Variants in POLR3B observed in about 807,000 individuals in gnomAD.
POLR3B encodes DNA-directed RNA polymerase III subunit RPC2.
Under a neutral mutation model 147.4 loss-of-function variants are expected in POLR3B, and 96 were observed. That is an observed-to-expected ratio of 0.65 (90% CI 0.55 to 0.77). POLR3B has a LOEUF of 0.77. POLR3B is among the 30% of genes least tolerant of loss of function. POLR3B has a pLI of 0.00. For missense variants in POLR3B, 1,036 were observed against 1,413.5 expected (o/e 0.73, Z 4.28); for synonymous variants, 461 against 485.9 (o/e 0.95, Z 0.67).
At chr12:106,476,934 G>T (rs965395699) in intron 23 of POLR3B, among the ~76,000 whole-genome samples, 4 of 151,660 alleles carry the variant, frequency 2.6e-5, no homozygotes, top group African/African-American at 9.7e-5. Context: ...TTTGGAGGAG[G>T]AGAGGCACTC....
intron 18 of POLR3B, among the ~76,000 whole-genome samples, chr12:106,439,901 A>T (rs187450857): frequency 6.6e-6 from 1 of 151,224 alleles, no homozygotes; most frequent in African/African-American, 2.4e-5. Flanking sequence ...TACTAAAAAT[A>T]AAAAAAAGTT....
Position 106,437,097 on chromosome 12 carries a change from A to G in POLR3B, c.1822A>G (p.Asn608Asp), listed in dbSNP as rs766131152. ...IVKKQKPAVT[N>D]KHMEELAQGY... The stretch of plus-strand genomic sequence containing the variant: ...CAAGAAACAGAAGCCAGCAGTCACA[A>G]ATAAACATATGGAAGAGCTGGCCCA... Residue 608 changes from asparagine (N) to aspartate (D), a missense_variant, in exon 17 of 28, where the codon AAT (asparagine) becomes GAT (aspartate). By Grantham distance (23) the Asn-to-Asp change is conservative. Transcript: ENST00000228347. 2.5e-6 allele frequency: 4 copies of G among 1,613,502 alleles called. No homozygotes were observed. The highest frequency in any genetic ancestry group is 1.3e-5 in the African/African-American group (1 of 74,934).
chr12:106,451,963 G>C (rs750005909), intron 19 of POLR3B, among the ~76,000 whole-genome samples: 3 of 152,114 alleles, frequency 2.0e-5, no homozygotes, highest in Non-Finnish European at 4.4e-5. Context: ...AATAGAAGTA[G>C]AATGCAACTT....
chr12:106,424,788 G>A (rs988470305), intron 12 of POLR3B, among the ~76,000 whole-genome samples: 8 of 151,968 alleles, frequency 5.3e-5, no homozygotes, highest in African/African-American at 1.7e-4. Context: ...ATAAATAAAA[G>A]CCTGCAAGCT....
intron 10 of POLR3B, among the ~76,000 whole-genome samples, chr12:106,395,257 T>C (rs1199291210): frequency 2.6e-5 from 4 of 152,060 alleles, no homozygotes; most frequent in Non-Finnish European, 5.9e-5. Flanking sequence ...CTGGGTAATT[T>C]ATAAAGAAAA....
intron 1 of POLR3B, among the ~76,000 whole-genome samples, chr12:106,362,561 C>T (rs1458219863): frequency 6.6e-6 from 1 of 152,180 alleles, no homozygotes; most frequent in Non-Finnish European, 1.5e-5. Context: ...AGAAGCTTCA[C>T]TGAGACCTCT....
rs1435958575 is a variant in POLR3B at position 106,378,319 on chromosome 12, G to A, written c.549G>A (p.Gln183=). 1.2e-6 allele frequency: 2 copies of A among 1,613,794 alleles called. No individual in the cohort carries two copies. The change falls in exon 8 of 28, where the codon CAG becomes CAA. Residue 183 remains glutamine (Q), a synonymous_variant. Transcript: ENST00000228347. ...AAAAAGTTATTCTTATCCAAGAGCAGCTGTCTAAGAACAGGATCATCGTGG... is the reference window on the plus strand; with the variant it reads ...AAAAAGTTATTCTTATCCAAGAGCAACTGTCTAAGAACAGGATCATCGTGG... ...GVEKVILIQE[Q]LSKNRIIVEA...
chr12:106,363,870 G>GA lies in POLR3B; in HGVS notation c.78dup (p.Trp27MetfsTer22), dbSNP rs1249618464. 1 of 1,607,676 alleles carries GA rather than the reference G, an allele frequency of 6.2e-7. No homozygotes were observed. Among genetic ancestry groups the GA allele is most frequent in the Admixed American group, 1.7e-5 (1 of 59,974 alleles). ...ATATTCTTCTTGTTTTGGCTCACAGGAAAAATGGAGGCTGCTTCCAGCATT... is the reference window on the plus strand; with the variant it reads ...ATATTCTTCTTGTTTTGGCTCACAGGAAAAAATGGAGGCTGCTTCCAGCATT... On this transcript the variant is annotated frameshift_variant and splice_region_variant, in exon 2 of 28. Coordinates refer to ENST00000228347, the MANE Select transcript of POLR3B (RefSeq NM_018082.6). LOFTEE classifies it high-confidence loss of function.
Position 106,509,823 on chromosome 12 carries a change from A to G in POLR3B, c.*274A>G, listed in dbSNP as rs2038747528. On this transcript the variant is annotated 3_prime_UTR_variant, in exon 28 of 28. Coordinates refer to ENST00000228347, the MANE Select transcript of POLR3B (RefSeq NM_018082.6). ...ATGTGACCTAAAGGATAAATAAGCT[A>G]TTACTTATGTGCTGATCTCTTGACA... 5.3e-6 allele frequency: 2 copies of G among 380,514 alleles called. No individual in the cohort carries two copies. Among genetic ancestry groups the G allele is most frequent in the African/African-American group, 2.1e-5 (1 of 47,892 alleles). 23.6% of individuals were successfully genotyped at this position (380,514 alleles called of 1,614,324 possible).
chr12:106,366,962 G>T (rs1053227516), intron 4 of POLR3B, among the ~76,000 whole-genome samples: 6 of 152,134 alleles, frequency 3.9e-5, no homozygotes, highest in Admixed American at 2.0e-4. Context: ...AATTAGCCAG[G>T]CGTGGTGGTG....
At chr12:106,408,421 C>T (rs2037178303) in intron 11 of POLR3B, among the ~76,000 whole-genome samples, 1 of 152,184 alleles carries the variant, frequency 6.6e-6, no homozygotes, top group Non-Finnish European at 1.5e-5. Flanking sequence ...ATCTGCATCA[C>T]TAGGGGACTT....
intron 12 of POLR3B, among the ~76,000 whole-genome samples, chr12:106,411,727 G>A (rs1046503487): frequency 6.6e-6 from 1 of 152,102 alleles, no homozygotes; most frequent in African/African-American, 2.4e-5. Context: ...ACATGGTAGA[G>A]GTAGGTTAGT....
chr12:106,367,146 C>A (rs2036546043), intron 4 of POLR3B, among the ~76,000 whole-genome samples: 1 of 152,086 alleles, frequency 6.6e-6, no homozygotes, highest in African/African-American at 2.4e-5. Context: ...CTTTTATTAA[C>A]TATAAAGTGC....
Position 106,459,235 on chromosome 12 carries a change from T to C in POLR3B, c.2453-16T>C. 9 of 1,375,168 alleles carry C rather than the reference T, an allele frequency of 6.5e-6. No individual in the cohort carries two copies. Among genetic ancestry groups the C allele is most frequent in the Middle Eastern group, 1.8e-4 (1 of 5,636 alleles). 85.2% of individuals were successfully genotyped at this position (1,375,168 alleles called of 1,614,324 possible). A position where few individuals can be genotyped will look rare whatever the true frequency, so the allele number is the denominator to read the frequency against. On this transcript the variant is annotated splice_polypyrimidine_tract_variant and intron_variant, in intron 21 of 27. Transcript: ENST00000228347. Reference sequence around the variant, plus strand: ...AGATGATAACGATGTGCCTAACACTTTTCTTTTTTTCTCAGGTGAGAAAGT... The same window carrying C: ...AGATGATAACGATGTGCCTAACACTCTTCTTTTTTTCTCAGGTGAGAAAGT...
chr12:106,504,223 G>A lies in POLR3B; in HGVS notation c.3241G>A (p.Gly1081Arg). The A allele has an allele frequency of 6.2e-7, 1 of 1,614,112 alleles. No homozygotes were observed. Among genetic ancestry groups the A allele is most frequent in the Non-Finnish European group, 8.5e-7 (1 of 1,179,990 alleles). Residue 1081 changes from glycine (G) to arginine (R), a missense_variant, in exon 27 of 28, where the codon GGG becomes AGG. By Grantham distance (125) the Gly-to-Arg change is moderately radical (BLOSUM62 -2). This residue lies in a region of POLR3B where 69 missense variants were observed against 89.8 expected (regional missense o/e 0.77). Coordinates refer to ENST00000228347, the MANE Select transcript of POLR3B (RefSeq NM_018082.6). The surrounding 1 kb of genome is among the most constrained non-coding windows in gnomAD (Gnocchi z 4.6). Reference protein sequence around the residue: ...SSDAFEVDVCGQCGLLGYSGW... With the variant: ...SSDAFEVDVCRQCGLLGYSGW... ...TGATGCCTTTGAGGTTGATGTCTGT[G>A]GGCAGTGTGGACTTCTGGGGTATTC...
At chr12:106,419,854 C>G (rs2037352002) in intron 12 of POLR3B, among the ~76,000 whole-genome samples, 1 of 116,684 alleles carries the variant, frequency 8.6e-6, no homozygotes, top group Admixed American at 1.0e-4. Flanking sequence ...TTATGTGTTA[C>G]TCTGTTACAT....
chr12:106,364,391 A>T (rs916285723), intron 2 of POLR3B, among the ~76,000 whole-genome samples: 1 of 152,242 alleles, frequency 6.6e-6, no homozygotes, highest in Non-Finnish European at 1.5e-5. Flanking sequence ...TATGCTAAGA[A>T]GTAATGAGTA....
At chr12:106,485,061 T>A (rs1180477174) in intron 23 of POLR3B, among the ~76,000 whole-genome samples, 1 of 152,194 alleles carries the variant, frequency 6.6e-6, no homozygotes, top group Non-Finnish European at 1.5e-5. Context: ...GTCCATTTTC[T>A]GCTGCTATGA....
At chr12:106,497,029 G>T in intron 25 of POLR3B, 111 bp downstream of exon 25, 1 of 1,070,810 alleles carries the variant, frequency 9.3e-7, no homozygotes, top group Non-Finnish European at 1.4e-6. Context: ...AGCTTGTACA[G>T]CCCGTGGGCG....
Sources: gnomAD v4.1 joint callset for allele counts (sites outside exome capture counted in the v4.1 genomes callset) on GRCh38, gnomAD v4.1.1 for gene constraint, gnomAD v4.1.1 regional missense constraint, Gnocchi (gnomAD v3.1) non-coding constraint, MANE v1.5 for transcripts, NCBI Gene and HGNC (gene_info 2026-07-23, HGNC 2026-07-21) for gene names.